Variants in DSCAML1 observed in about 807,000 individuals in gnomAD.
DSCAML1 encodes the protein DS cell adhesion molecule like 1.
DSCAML1 carries 38 observed loss-of-function variants against 200.5 expected under a neutral mutation model. That is an observed-to-expected ratio of 0.19 (90% CI 0.15 to 0.25). DSCAML1 has a LOEUF of 0.25. DSCAML1 is among the 10% of genes least tolerant of loss of function. The pLI is 1.00. For synonymous variants in DSCAML1, 1,215 were observed against 1,165.0 expected (o/e 1.04, Z -0.87); for missense variants, 2,223 against 2,858.8 (o/e 0.78, Z 5.07).
At chr11:117,542,851 G>T (rs773464965) in intron 3 of DSCAML1, among the ~76,000 whole-genome samples, 1 of 152,184 alleles carries the variant, frequency 6.6e-6, no homozygotes, top group Non-Finnish European at 1.5e-5. Context: ...GAAGAGCCTG[G>T]ACTCACACCT....
intron 14 of DSCAML1, among the ~76,000 whole-genome samples, chr11:117,473,502 T>A (rs1437405533): frequency 6.6e-6 from 1 of 151,714 alleles, no homozygotes; most frequent in East Asian, 1.9e-4. Context: ...ATCTCAAAAA[T>A]GAAAAAAACA....
At chr11:117,743,808 C>G (rs1453084415) in intron 3 of DSCAML1, among the ~76,000 whole-genome samples, 1 of 152,202 alleles carries the variant, frequency 6.6e-6, no homozygotes, top group Admixed American at 6.5e-5. Context: ...CAAACACACC[C>G]GCAGCCTGCC....
intron 3 of DSCAML1, among the ~76,000 whole-genome samples, chr11:117,752,050 G>T (rs2054614546): frequency 6.6e-6 from 1 of 152,196 alleles, no homozygotes; most frequent in Admixed American, 6.5e-5. Flanking sequence ...GTGTGTGTGT[G>T]TGTGTGTCAC....
At chr11:117,577,705 T>G (rs2050971980) in intron 3 of DSCAML1, among the ~76,000 whole-genome samples, 1 of 151,706 alleles carries the variant, frequency 6.6e-6, no homozygotes, top group African/African-American at 2.4e-5. Flanking sequence ...TAGCTGGGAT[T>G]ACAGGCGTGA....
chr11:117,453,754 T>C (rs866101260), intron 19 of DSCAML1, among the ~76,000 whole-genome samples: 3 of 111,296 alleles, frequency 2.7e-5, no homozygotes, highest in African/African-American at 5.8e-5. Flanking sequence ...TTCTTTTTTT[T>C]TTTTTTTTGA....
intron 3 of DSCAML1, among the ~76,000 whole-genome samples, chr11:117,739,853 G>A (rs1300456781): frequency 6.6e-6 from 1 of 152,202 alleles, no homozygotes; most frequent in Non-Finnish European, 1.5e-5. Flanking sequence ...TATATTTACT[G>A]CCATTTGGTT....
chr11:117,437,084 C>A lies in DSCAML1; in HGVS notation c.4720+38G>T, dbSNP rs977273040. 6.3e-7 allele frequency: 1 copy of A among 1,587,376 alleles called. No individual in the cohort carries two copies. The highest frequency in any genetic ancestry group is 1.3e-5 in the African/African-American group (1 of 74,704). ...CCCACTTCCTTCGCACCACCCTGCT[C>A]CAGCCTCTGTACCATCCCTTCCACC... On this transcript the variant is annotated intron_variant, in intron 26 of 32. Transcript: ENST00000651296. This position sits in a 1 kb window ranked among gnomAD's most constrained non-coding sequence, Gnocchi z 5.3.
At chr11:117,633,227 T>C (rs1472925760) in intron 3 of DSCAML1, among the ~76,000 whole-genome samples, 1 of 152,170 alleles carries the variant, frequency 6.6e-6, no homozygotes, top group Non-Finnish European at 1.5e-5. Context: ...TGTGTCTCTC[T>C]GTGGCCTGTC....
At chr11:117,785,178 C>G (rs572813891) in intron 1 of DSCAML1, among the ~76,000 whole-genome samples, 1 of 152,314 alleles carries the variant, frequency 6.6e-6, no homozygotes, top group Non-Finnish European at 1.5e-5. Context: ...AGGAGAATGG[C>G]TCCACCTTCC....
intron 15 of DSCAML1, 55 bp downstream of exon 15, chr11:117,471,814 C>CACCCCCTTTAACTGCAAGCTCA (rs2048692679): frequency 7.7e-7 from 1 of 1,297,898 alleles, no homozygotes; most frequent in African/African-American, 2.0e-5. Flanking sequence ...CTGTAGGCCC[C>CACCCCCTTTAACTGCAAGCTCA]TGGTGGTCCT....
intron 3 of DSCAML1, among the ~76,000 whole-genome samples, chr11:117,618,568 C>G (rs867790193): frequency 2.6e-5 from 4 of 152,098 alleles, no homozygotes; most frequent in Non-Finnish European, 4.4e-5. Flanking sequence ...AGAAACCCAT[C>G]CATCAGAATA....
At chr11:117,526,170 C>G (rs2049974455) in intron 4 of DSCAML1, among the ~76,000 whole-genome samples, 1 of 152,238 alleles carries the variant, frequency 6.6e-6, no homozygotes, top group African/African-American at 2.4e-5. Flanking sequence ...GTTTCCTGCC[C>G]CTGGGGGACC....
chr11:117,482,288 A>G (rs3741279), intron 11 of DSCAML1, 126 bp from the exon 12 acceptor site: 295,699 of 1,120,154 alleles, frequency 0.26, 41,726 homozygotes, highest in South Asian at 0.46. Context: ...ATAAAGGAGT[A>G]CAGGGAACCC....
intron 21 of DSCAML1, among the ~76,000 whole-genome samples, chr11:117,442,660 G>C (rs2048092694): frequency 6.6e-6 from 1 of 152,150 alleles, no homozygotes; most frequent in Non-Finnish European, 1.5e-5. Context: ...AGGAGAAGAG[G>C]CCAGCCTTCT....
At chr11:117,438,649 GC>G (rs779504109) in intron 24 of DSCAML1, among the ~76,000 whole-genome samples, 8 of 152,192 alleles carry the variant, frequency 5.3e-5, no homozygotes, top group Admixed American at 5.2e-4. Flanking sequence ...GAGGGAAACA[GC>G]CTACTCCAGG....
chr11:117,484,199 T>C (rs2048991897), intron 11 of DSCAML1, among the ~76,000 whole-genome samples: 1 of 152,152 alleles, frequency 6.6e-6, no homozygotes, highest in Non-Finnish European at 1.5e-5. Context: ...GTCTGACTTT[T>C]ATGGACAAAT....
At chr11:117,570,826 A>C (rs373950293) in intron 3 of DSCAML1, among the ~76,000 whole-genome samples, 74 of 152,358 alleles carry the variant, frequency 4.9e-4, no homozygotes, top group African/African-American at 1.6e-3. Flanking sequence ...GGTCCAGCTA[A>C]GACACTAAGA....
chr11:117,680,929 G>A (rs1440234939), intron 3 of DSCAML1, among the ~76,000 whole-genome samples: 1 of 152,208 alleles, frequency 6.6e-6, no homozygotes, highest in Non-Finnish European at 1.5e-5. Context: ...GCCTGACGAG[G>A]TGAAGCCCAA....
rs142921778 is a variant in DSCAML1 at position 117,517,369 on chromosome 11, G to A, written c.1511-630C>T. Among the ~76,000 whole-genome samples the A allele has an allele frequency of 3.0e-3, 453 of 152,228 alleles. 2 individuals carry two copies. The highest frequency in any genetic ancestry group is 5.4e-3 in the Non-Finnish European group (368 of 68,018). ...GCTTGCTGGGCAGATGGCAATCTAG[G>A]GGATGGAAAGGGAGTTCAGAGGCTA... On this transcript the variant is annotated intron_variant, in intron 7 of 32. Transcript: ENST00000651296.
Sources: allele counts gnomAD v4.1 joint callset (sites outside exome capture counted in the v4.1 genomes callset), GRCh38; gene constraint gnomAD v4.1.1; non-coding constraint Gnocchi (gnomAD v3.1); transcripts MANE v1.5; gene names NCBI Gene and HGNC (gene_info 2026-07-23, HGNC 2026-07-21).